Variants in ZNF185 observed in about 807,000 individuals in gnomAD.
ZNF185 encodes zinc finger protein 185.
A neutral mutation model predicts 58.6 loss-of-function variants in ZNF185; 56 were observed. The ratio of observed to expected loss-of-function variants is 0.95; its 90% confidence interval spans 0.77 to 1.19. ZNF185 has a LOEUF of 1.19. Ranked by LOEUF, ZNF185 falls within the 50% of genes most tolerant of loss-of-function variation. ZNF185 has a pLI of 0.00. For missense variants in ZNF185, 627 were observed against 573.5 expected (o/e 1.09, Z -0.95); for synonymous variants, 230 against 215.9 (o/e 1.07, Z -0.57).
chrX:152,918,907 T>C, intron 6 of ZNF185, 76 bp from the exon 8 acceptor site: 1 of 751,725 alleles, frequency 1.3e-6, no homozygotes, highest in Non-Finnish European at 2.0e-6. Flanking sequence ...TGCCTCGTCA[T>C]TGTTGTTGAA....
chrX:152,952,951 AT>A (rs1267245056), intron 16 of ZNF185, among the ~76,000 whole-genome samples: 45 of 108,583 alleles, frequency 4.1e-4, no homozygotes, highest in African/African-American at 1.5e-3. Context: ...CACCCAGTAG[AT>A]TGAGAGTTAC....
chrX:152,958,891 G>A (rs782375396), intron 16 of ZNF185, among the ~76,000 whole-genome samples: 1 of 112,581 alleles, frequency 8.9e-6, no homozygotes, highest in South Asian at 3.7e-4. Context: ...GATCGTGCGT[G>A]CACAGGCCGG....
chrX:152,949,839 G>A (rs1556898396), intron 16 of ZNF185, among the ~76,000 whole-genome samples: 1 of 111,966 alleles, frequency 8.9e-6, no homozygotes, highest in African/African-American at 3.2e-5. Context: ...ATCTTTGAGA[G>A]TCTAGACACT....
intron 16 of ZNF185, among the ~76,000 whole-genome samples, chrX:152,946,423 T>C (rs1433870108): frequency 8.9e-6 from 1 of 112,172 alleles, no homozygotes; most frequent in Non-Finnish European, 1.9e-5. Context: ...TAACAAGTTT[T>C]ACCTTCTAAG....
intron 15 of ZNF185, among the ~76,000 whole-genome samples, chrX:152,939,219 G>A (rs1368829582): frequency 1.8e-5 from 2 of 109,800 alleles, no homozygotes; most frequent in Non-Finnish European, 3.8e-5. Flanking sequence ...GATGCTGGGG[G>A]CTGGGGTGGG....
the ZNF185 span, among the ~76,000 whole-genome samples, chrX:152,908,361 G>A: frequency 1.8e-5 from 2 of 112,888 alleles, no homozygotes; most frequent in Non-Finnish European, 3.7e-5. Flanking sequence ...CTTCTTGGCA[G>A]GGTAAATGGG....
chrX:152,949,120 G>C (rs1450874068), intron 16 of ZNF185, among the ~76,000 whole-genome samples: 2 of 109,748 alleles, frequency 1.8e-5, no homozygotes, highest in Non-Finnish European at 3.8e-5. Context: ...ATTTCTGGTC[G>C]AGTGAGTGGA....
At chrX:152,969,559 G>A in intron 21 of ZNF185, 75 bp downstream of exon 23, 1 of 803,774 alleles carries the variant, frequency 1.2e-6, no homozygotes, top group Non-Finnish European at 1.8e-6. Flanking sequence ...GTTTTGTAGA[G>A]TGCGGGAGTC....
intron 12 of ZNF185, 28 bp from the exon 14 acceptor site, chrX:152,931,644 G>T (rs1272749120): frequency 1.7e-6 from 2 of 1,166,066 alleles, no homozygotes; most frequent in African/African-American, 1.8e-5. Flanking sequence ...GCTGCTGCAT[G>T]GTTAACTTCC....
At chrX:152,940,085 T>C (rs2047003076) in intron 15 of ZNF185, among the ~76,000 whole-genome samples, 1 of 111,574 alleles carries the variant, frequency 9.0e-6, no homozygotes, top group Admixed American at 9.5e-5. Context: ...GCCTGGCCAA[T>C]ACAAACTTTC....
intron 8 of ZNF185, 137 bp from the exon 10 acceptor site, chrX:152,920,568 GGA>G (rs1939490614): frequency 1.0e-6 from 1 of 961,602 alleles, no homozygotes; most frequent in Non-Finnish European, 1.5e-6. Flanking sequence ...TCTAGAAAAT[GGA>G]GAGGTCTGGC....
At chrX:152,935,411 AT>A (rs1477536159) in intron 14 of ZNF185, among the ~76,000 whole-genome samples, 2 of 107,484 alleles carry the variant, frequency 1.9e-5, no homozygotes, top group Non-Finnish European at 3.9e-5. Context: ...AATTTTTTGT[AT>A]TTTTTAGTAG....
the ZNF185 span, among the ~76,000 whole-genome samples, chrX:152,905,042 C>T: frequency 1.8e-5 from 2 of 112,937 alleles, no homozygotes; most frequent in African/African-American, 3.2e-5. Flanking sequence ...TTGGACTCCT[C>T]GTCAGTACTC....
chrX:152,908,752 G>A, the ZNF185 span, among the ~76,000 whole-genome samples: 14 of 113,506 alleles, frequency 1.2e-4, no homozygotes, highest in African/African-American at 2.9e-4. Flanking sequence ...GGGCCACTGC[G>A]TGGCTGGGAC....
At chrX:152,907,206 G>T in the ZNF185 span, among the ~76,000 whole-genome samples, 2 of 112,033 alleles carry the variant, frequency 1.8e-5, no homozygotes, top group African/African-American at 6.5e-5. Flanking sequence ...CTGCGTCATT[G>T]CCTGCTGCCG....
At chrX:152,908,051 G>C in the ZNF185 span, among the ~76,000 whole-genome samples, 2 of 112,677 alleles carry the variant, frequency 1.8e-5, no homozygotes, top group Middle Eastern at 9.1e-3. Context: ...GTCAGGAAGA[G>C]ACCCAGTGAG....
At chrX:152,970,985 T>C (rs1156939546) in intron 22 of ZNF185, among the ~76,000 whole-genome samples, 3 of 112,072 alleles carry the variant, frequency 2.7e-5, no homozygotes, top group Non-Finnish European at 5.6e-5. Flanking sequence ...TGCATAGCCA[T>C]GGTGCTCAGT....
At position 152,937,613 on chromosome X, in the gene ZNF185, G is replaced by A. The variant is rs368243515; in HGVS notation, c.1122-461G>A. Reference sequence around the variant, plus strand: ...AAGAGACATGTCCCCCATACACAGCGTCAACAGGGCAGTTATACCTTTTAC... The same window carrying A: ...AAGAGACATGTCCCCCATACACAGCATCAACAGGGCAGTTATACCTTTTAC... On this transcript the variant is annotated intron_variant, in intron 14 of 22. Coordinates refer to ENST00000449285, the Ensembl canonical transcript of ZNF185. Among the ~76,000 whole-genome samples the A allele has an allele frequency of 4.5e-5, 5 of 112,064 alleles. 1 individual carries two copies. The highest frequency in any genetic ancestry group is 5.6e-4 in the East Asian group (2 of 3,602).
At chrX:152,944,392 G>A (rs782422491) in intron 15 of ZNF185, among the ~76,000 whole-genome samples, 2 of 112,545 alleles carry the variant, frequency 1.8e-5, no homozygotes, top group Non-Finnish European at 3.8e-5. Context: ...TATTCAGAGT[G>A]AGCTAGGATC....
Sources: gnomAD v4.1 joint callset for allele counts (sites outside exome capture counted in the v4.1 genomes callset) on GRCh38, gnomAD v4.1.1 for gene constraint, MANE v1.5 for transcripts, NCBI Gene and HGNC (gene_info 2026-07-23, HGNC 2026-07-21) for gene names.